Variants in SYCP2 observed in about 807,000 individuals in gnomAD.
The protein encoded by SYCP2 is synaptonemal complex protein 2, also known as synaptonemal complex lateral element protein.
A neutral mutation model predicts 211.3 loss-of-function variants in SYCP2; 55 were observed. That is an observed-to-expected ratio of 0.26 (90% CI 0.21 to 0.33). The LOEUF (loss-of-function observed/expected upper bound fraction) is 0.33, where lower values mean the gene tolerates loss of function less well. Ranked by LOEUF, SYCP2 falls within the 10% of genes least tolerant of loss-of-function variation. The pLI, the probability that SYCP2 is intolerant of heterozygous loss-of-function variation, is 1.00. For synonymous variants in SYCP2, 570 were observed against 555.2 expected (o/e 1.03, Z -0.37); for missense variants, 1,731 against 1,752.0 (o/e 0.99, Z 0.21).
At position 59,864,146 on chromosome 20, in the gene SYCP2, C is replaced by G; in HGVS notation, c.*165G>C. 2.2e-6 allele frequency: 1 copy of G among 451,232 alleles called. No individual in the cohort carries two copies. Among genetic ancestry groups the G allele is most frequent in the Non-Finnish European group, 4.0e-6 (1 of 252,836 alleles). The allele number at this position is 451,232 out of a possible 1,614,324, so 28.0% of individuals were successfully genotyped here. ...GGCTTGGACTCATGTTATAGTGGTT[C>G]CCTCTCATCCATTAAAAGACATTTT... On this transcript the variant is annotated 3_prime_UTR_variant, in exon 45 of 45. Transcript: ENST00000357552.
intron 24 of SYCP2, among the ~76,000 whole-genome samples, chr20:59,888,949 CAA>C (rs1568935281): frequency 2.6e-5 from 4 of 151,766 alleles, no homozygotes. Context: ...AGAAAAACTA[CAA>C]AAGTCTGATG....
At position 59,895,511 on chromosome 20, in the gene SYCP2, T is replaced by C. The variant is rs780460332; in HGVS notation, c.1591A>G (p.Asn531Asp). The C allele has an allele frequency of 4.3e-6, 7 of 1,613,358 alleles. No individual in the cohort carries two copies. The South Asian group carries it at 5.5e-5, about 13-fold the overall frequency. Residue 531 changes from asparagine (N) to aspartate (D), a missense_variant, in exon 20 of 45, where the codon AAT becomes GAT. Around this residue, in one of 3 missense-constraint regions of SYCP2, gnomAD observed 1,387 missense variants for 1,351.3 expected, o/e 1.03. Coordinates refer to ENST00000357552, the MANE Select transcript of SYCP2 (RefSeq NM_014258.4). ...AGTGATGCAGCATTATCCACTCTATTTTCTGATGTTTGAGAAACACTAGGT... is the reference window on the plus strand; with the variant it reads ...AGTGATGCAGCATTATCCACTCTATCTTCTGATGTTTGAGAAACACTAGGT... ...EKPSVSQTSE[N>D]RVDNAASLKS...
At chr20:59,877,292 GAAGT>G (rs1373270778) in intron 33 of SYCP2, 89 bp downstream of exon 33, 3 of 882,416 alleles carry the variant, frequency 3.4e-6, no homozygotes, top group Non-Finnish European at 4.7e-6. Context: ...TAACTCTTAA[GAAGT>G]AACAGGATAA....
chr20:59,884,327 A>T (rs1194871954), intron 26 of SYCP2, among the ~76,000 whole-genome samples: 1 of 152,068 alleles, frequency 6.6e-6, no homozygotes, highest in South Asian at 2.1e-4. Context: ...ATATGTGTTA[A>T]ATTATTTATA....
chr20:59,864,620 A>C (rs1275736288), intron 44 of SYCP2, among the ~76,000 whole-genome samples: 1 of 151,960 alleles, frequency 6.6e-6, no homozygotes, highest in East Asian at 1.9e-4. Context: ...AAAGCCCCAA[A>C]TCAGTGAAAT....
At chr20:59,866,266 A>T (rs2059330759) in intron 41 of SYCP2, 27 bp downstream of exon 41, 1 of 1,464,622 alleles carries the variant, frequency 6.8e-7, no homozygotes, top group Non-Finnish European at 9.3e-7. Flanking sequence ...TTTTAAACTT[A>T]TTTAAAAAAT....
intron 24 of SYCP2, among the ~76,000 whole-genome samples, chr20:59,889,666 C>G (rs933636294): frequency 1.3e-5 from 2 of 151,920 alleles, no homozygotes; most frequent in African/African-American, 4.8e-5. Flanking sequence ...TTAAGATTAT[C>G]GGAGTGGTTT....
rs977392090 is a variant in SYCP2 at position 59,880,899 on chromosome 20, A to G, written c.2772+67T>C. ...ATGTTTTTGTTTTCTTGTTTTTGATAATCTTTAACATTAAAAATTAAGAGA... is the reference window on the plus strand; with the variant it reads ...ATGTTTTTGTTTTCTTGTTTTTGATGATCTTTAACATTAAAAATTAAGAGA... On this transcript the variant is annotated intron_variant, in intron 30 of 44. Coordinates refer to ENST00000357552, the MANE Select transcript of SYCP2 (RefSeq NM_014258.4). 8 of 743,752 alleles carry G rather than the reference A, an allele frequency of 1.1e-5. No individual in the cohort carries two copies. The African/African-American group carries it at 1.5e-4, about 14-fold the overall frequency. 46.1% of individuals were successfully genotyped at this position (743,752 alleles called of 1,614,324 possible). A position where few individuals can be genotyped will look rare whatever the true frequency, so the allele number is the denominator to read the frequency against.
At chr20:59,875,504 G>C in intron 33 of SYCP2, 35 bp from the exon 34 acceptor site, 1 of 1,508,246 alleles carries the variant, frequency 6.6e-7, no homozygotes, top group Non-Finnish European at 9.1e-7. Context: ...TTATACTCAA[G>C]TACAAATATT....
chr20:59,922,249 A>T lies in SYCP2; in HGVS notation c.24+141T>A. 3.5e-5 allele frequency: 24 copies of T among 684,882 alleles called. 1 individual carries two copies. In the South Asian group the frequency reaches 5.5e-4, roughly 16 times the overall value. The allele number at this position is 684,882 out of a possible 1,614,324, so 42.4% of individuals were successfully genotyped here. On this transcript the variant is annotated intron_variant, in intron 3 of 44. Transcript: ENST00000357552. ...ACATCTAATGAATACATGAAAGGAC[A>T]CTTTATTTAAACTATTCTTGACCAT...
chr20:59,885,223 C>T (rs1011935128), intron 26 of SYCP2: 10 of 151,828 alleles, frequency 6.6e-5, no homozygotes, highest in African/African-American at 2.4e-4. Context: ...CAATAAGCAA[C>T]AGGGACCAAA....
At chr20:59,910,641 A>G (rs1180785455) in intron 14 of SYCP2, among the ~76,000 whole-genome samples, 1 of 151,888 alleles carries the variant, frequency 6.6e-6, no homozygotes, top group Non-Finnish European at 1.5e-5. Context: ...ATAAAGGAAC[A>G]CTGCCCTATT....
chr20:59,893,808 T>C (rs991016879), intron 20 of SYCP2, among the ~76,000 whole-genome samples: 3 of 152,028 alleles, frequency 2.0e-5, no homozygotes, highest in Admixed American at 6.6e-5. Context: ...AGGCAGAATA[T>C]TGCATAAATT....
At position 59,880,359 on chromosome 20, in the gene SYCP2, T is replaced by C. The variant is rs115051019; in HGVS notation, c.2885A>G (p.Gln962Arg). The C allele has an allele frequency of 5.7e-4, 907 of 1,600,462 alleles. 2 individuals carry two copies. In the African/African-American group the frequency reaches 0.011, roughly 20 times the overall value. ...TTTATTTCTGCTATAGTCTATTAGC[T>C]GTGGTTTTGATTTCGGTTCTCTTAG... ...SWLREPKSKP[Q>R]LIDYSRNKNV... is the part of the protein sequence containing the mutation. Residue 962 changes from glutamine to arginine, a missense_variant, in exon 31 of 45, where the codon CAG (glutamine) becomes CGG (arginine). Coordinates refer to ENST00000357552, the MANE Select transcript of SYCP2 (RefSeq NM_014258.4).
At position 59,922,485 on chromosome 20, in the gene SYCP2, G is replaced by C. The variant is rs928996258; in HGVS notation, c.-46-26C>G. 6.2e-6 allele frequency: 7 copies of C among 1,129,412 alleles called. No homozygotes were observed. The African/African-American group carries it at 1.1e-4, about 18-fold the overall frequency. 70.0% of individuals were successfully genotyped at this position (1,129,412 alleles called of 1,614,324 possible). A position where few individuals can be genotyped will look rare whatever the true frequency, so the allele number is the denominator to read the frequency against. ...CTATAAAAGAAAACATATATTTTCT[G>C]TATCTCACAATCTGTTTCATGTGTT... On this transcript the variant is annotated intron_variant, in intron 2 of 44. Transcript: ENST00000357552.
chr20:59,893,914 A>C (rs1364515654), intron 20 of SYCP2, among the ~76,000 whole-genome samples: 1 of 151,982 alleles, frequency 6.6e-6, no homozygotes, highest in East Asian at 1.9e-4. Context: ...GCTGCTGTTG[A>C]TTACATAGCC....
At chr20:59,902,814 G>A (rs943421382) in intron 15 of SYCP2, among the ~76,000 whole-genome samples, 4 of 152,120 alleles carry the variant, frequency 2.6e-5, no homozygotes, top group Non-Finnish European at 5.9e-5. Context: ...CTCAAAGAGC[G>A]CTAGTAGTTT....
At chr20:59,899,902 A>C (rs2060082414) in intron 18 of SYCP2, among the ~76,000 whole-genome samples, 1 of 152,170 alleles carries the variant, frequency 6.6e-6, no homozygotes, top group South Asian at 2.1e-4. Flanking sequence ...ATCTATCTCT[A>C]ATCTGCAATT....
In SYCP2 at chr20:59,913,469, TA is replaced by T. The variant is rs905588701; in HGVS notation, c.830+505del. On this transcript the variant is annotated intron_variant, in intron 12 of 44. Transcript: ENST00000357552. ...TGCAAATTCTGTTTTTCTGTCGTTA[TA>T]AAAAAAAGATTAAAATTTATATTAC... 1.1e-4 allele frequency among the ~76,000 whole-genome samples: 17 copies of T among 152,124 alleles called. No individual in the cohort carries two copies. In the East Asian group the frequency reaches 1.9e-3, roughly 17 times the overall value.
Sources: allele counts gnomAD v4.1 joint callset (sites outside exome capture counted in the v4.1 genomes callset), GRCh38; gene constraint gnomAD v4.1.1; regional missense constraint gnomAD v4.1.1; transcripts MANE v1.5; gene names NCBI Gene and HGNC (gene_info 2026-07-23, HGNC 2026-07-21).